The following CREB3L2 variants were observed in gnomAD, a reference collection of about 807,000 sequenced individuals.
CREB3L2 encodes cAMP responsive element binding protein 3 like 2, also known as cyclic AMP-responsive element-binding protein 3-like protein 2.
CREB3L2 carries 23 observed loss-of-function variants against 57.2 expected under a neutral mutation model. The observed-to-expected ratio is 0.40, with a 90% CI of 0.29 to 0.57. The LOEUF is 0.57. CREB3L2 is among the 20% of genes least tolerant of loss of function. CREB3L2 has a pLI of 0.42. For synonymous variants in CREB3L2, 268 were observed against 265.1 expected (o/e 1.01, Z -0.11); for missense variants, 628 against 634.7 (o/e 0.99, Z 0.11).
intron 1 of CREB3L2, chr7:137,953,647 C>A: frequency 1.6e-6 from 1 of 628,190 alleles, no homozygotes; most frequent in East Asian, 6.7e-5. Context: ...TGTTTTAAGG[C>A]TGGGAAGGGG....
intron 1 of CREB3L2, among the ~76,000 whole-genome samples, chr7:137,995,629 G>T (rs377122280): frequency 6.6e-6 from 1 of 152,046 alleles, no homozygotes; most frequent in African/African-American, 2.4e-5. Context: ...CACCGCGCCC[G>T]GCCAGGGGCT....
At chr7:137,972,546 T>G (rs1801524064) in intron 1 of CREB3L2, among the ~76,000 whole-genome samples, 1 of 149,672 alleles carries the variant, frequency 6.7e-6, no homozygotes, top group Admixed American at 6.7e-5. Flanking sequence ...CAGTATTTTT[T>G]TCTTGATAAA....
At chr7:137,958,747 G>A (rs896230707) in intron 1 of CREB3L2, among the ~76,000 whole-genome samples, 1 of 152,190 alleles carries the variant, frequency 6.6e-6, no homozygotes, top group Non-Finnish European at 1.5e-5. Context: ...TCTTGATCCA[G>A]GGCCACCTGA....
In CREB3L2 at chr7:137,877,298, T is replaced by C. The variant is rs766893364; in HGVS notation, c.*3178A>G. 2.2e-4 allele frequency: 50 copies of C among 226,330 alleles called. No individual in the cohort carries two copies. Among genetic ancestry groups the C allele is most frequent in the Admixed American group, 4.0e-4 (7 of 17,536 alleles). 14.0% of individuals were successfully genotyped at this position (226,330 alleles called of 1,614,324 possible). On this transcript the variant is annotated 3_prime_UTR_variant, in exon 12 of 12. Coordinates refer to ENST00000330387, the MANE Select transcript of CREB3L2 (RefSeq NM_194071.4). Reference sequence around the variant, plus strand: ...ATCATTTATATTAACCAAAAGGTTATCTAATTTTGCCCATATTGGTGTCAA... The same window carrying C: ...ATCATTTATATTAACCAAAAGGTTACCTAATTTTGCCCATATTGGTGTCAA...
intron 1 of CREB3L2, among the ~76,000 whole-genome samples, chr7:137,985,583 C>T (rs115075577): frequency 9.1e-4 from 138 of 152,262 alleles, no homozygotes; most frequent in African/African-American, 3.2e-3. Flanking sequence ...CAATCAGCCC[C>T]AGAAAGACTA....
chr7:137,916,035 A>G, intron 2 of CREB3L2, 23 bp from the exon 3 acceptor site: 1 of 1,601,280 alleles, frequency 6.2e-7, no homozygotes, highest in Non-Finnish European at 8.5e-7. Flanking sequence ...AGACAAGCAC[A>G]CATGTGAACT....
At position 137,885,033 on chromosome 7, in the gene CREB3L2, C is replaced by T; in HGVS notation, c.1232G>A (p.Ser411Asn). ...GTAGGGCTCCTGCAGGGAATGCTGG[C>T]TGGGCAGAGCCATCTTGGTGGCAGA... ...YPSATKMALP[S>N]QHSLQEPYTA... is the part of the protein sequence containing the mutation. Residue 411 changes from serine to asparagine, a missense_variant, in exon 10 of 12, where the codon AGC becomes AAC. Physicochemically the swap from Ser to Asn is conservative, Grantham distance 46. Around this residue, in one of 3 missense-constraint regions of CREB3L2, gnomAD observed 272 missense variants for 242.7 expected, o/e 1.12. Coordinates refer to ENST00000330387, the MANE Select transcript of CREB3L2 (RefSeq NM_194071.4). The T allele has an allele frequency of 1.9e-6, 3 of 1,614,178 alleles. No homozygotes were observed. Among genetic ancestry groups the T allele is most frequent in the Non-Finnish European group, 1.7e-6 (2 of 1,180,024 alleles).
In CREB3L2 at chr7:137,980,509, G is replaced by A. The variant is rs1285468362; in HGVS notation, c.102+21095C>T. On this transcript the variant is annotated intron_variant, in intron 1 of 11. Transcript: ENST00000330387. This position sits in a 1 kb window ranked among gnomAD's most constrained non-coding sequence, Gnocchi z 4.3. The stretch of plus-strand genomic sequence containing the variant: ...TAAAAAGGTTCCAAACTGGTGGGGG[G>A]CAACCCCAGGCCTAGACAAACACAA... 1.3e-5 allele frequency among the ~76,000 whole-genome samples: 2 copies of A among 152,208 alleles called. No individual in the cohort carries two copies. Among genetic ancestry groups the A allele is most frequent in the Admixed American group, 6.5e-5 (1 of 15,282 alleles).
intron 11 of CREB3L2, among the ~76,000 whole-genome samples, chr7:137,881,623 T>C (rs1799294204): frequency 6.6e-6 from 1 of 152,216 alleles, no homozygotes; most frequent in Non-Finnish European, 1.5e-5. Context: ...CTGAAGAATC[T>C]GAAACAAAAT....
intron 8 of CREB3L2, 80 bp from the exon 9 acceptor site, chr7:137,885,582 G>T: frequency 8.9e-7 from 1 of 1,117,322 alleles, no homozygotes; most frequent in South Asian, 1.3e-5. Flanking sequence ...ACCCAAGAAG[G>T]CCGCCGTGCC....
At chr7:137,959,025 T>C (rs1006018388) in intron 1 of CREB3L2, among the ~76,000 whole-genome samples, 1 of 152,258 alleles carries the variant, frequency 6.6e-6, no homozygotes, top group African/African-American at 2.4e-5. Flanking sequence ...TATGTGTGTA[T>C]GTCTGTCTCA....
chr7:137,986,545 A>G (rs1204611160), intron 1 of CREB3L2, among the ~76,000 whole-genome samples: 2 of 152,240 alleles, frequency 1.3e-5, no homozygotes, highest in African/African-American at 4.8e-5. Flanking sequence ...GGGATACTAA[A>G]GAAATCATTT....
At position 138,001,678 on chromosome 7, in the gene CREB3L2, C is replaced by T. The variant is rs1258826012; in HGVS notation, c.28G>A (p.Gly10Ser). 6.2e-7 allele frequency: 1 copy of T among 1,612,448 alleles called. No homozygotes were observed. Among genetic ancestry groups the T allele is most frequent in the East Asian group, 2.2e-5 (1 of 44,838 alleles). Residue 10 changes from glycine (G) to serine (S), a missense_variant, in exon 1 of 12, where the codon GGC (glycine) becomes AGC (serine). Around this residue, in one of 3 missense-constraint regions of CREB3L2, gnomAD observed 339 missense variants for 355.4 expected, o/e 0.95. Coordinates refer to ENST00000330387, the MANE Select transcript of CREB3L2 (RefSeq NM_194071.4). The surrounding 1 kb of genome is among the most constrained non-coding windows in gnomAD (Gnocchi z 4.2). Reference sequence around the variant, plus strand: ...AGCTTGCGGTCCCACTGCAGCACGCCCTGCTCCCCGCTCTCCAGCACCTCC... The same window carrying T: ...AGCTTGCGGTCCCACTGCAGCACGCTCTGCTCCCCGCTCTCCAGCACCTCC... MEVLESGEQ[G>S]VLQWDRKLSE...
At chr7:137,952,594 A>G (rs1221696817) in intron 1 of CREB3L2, among the ~76,000 whole-genome samples, 1 of 152,180 alleles carries the variant, frequency 6.6e-6, no homozygotes, top group Non-Finnish European at 1.5e-5. Flanking sequence ...GCACTAGAAT[A>G]TACAGGGACT....
intron 8 of CREB3L2, among the ~76,000 whole-genome samples, chr7:137,900,725 AC>A (rs374553016): frequency 2.2e-3 from 332 of 151,682 alleles, no homozygotes; most frequent in African/African-American, 7.8e-3. Flanking sequence ...AATCACTTGA[AC>A]CCGGGAGGCA....
chr7:137,910,580 C>A (rs984612016), intron 4 of CREB3L2, among the ~76,000 whole-genome samples: 1 of 151,878 alleles, frequency 6.6e-6, no homozygotes, highest in African/African-American at 2.4e-5. Context: ...AACAAACAAA[C>A]AAAAAAACGG....
intron 1 of CREB3L2, among the ~76,000 whole-genome samples, chr7:137,995,226 C>A (rs545126606): frequency 6.3e-4 from 96 of 152,060 alleles, no homozygotes; most frequent in African/African-American, 2.2e-3. Flanking sequence ...ATGTCCATCA[C>A]ACATCCAACC....
At chr7:137,979,584 G>A (rs1437826019) in intron 1 of CREB3L2, among the ~76,000 whole-genome samples, 1 of 152,144 alleles carries the variant, frequency 6.6e-6, no homozygotes, top group African/African-American at 2.4e-5. Context: ...AAATTAGCCG[G>A]GCGTGGTGGT....
At chr7:137,995,563 G>A (rs1031793047) in intron 1 of CREB3L2, among the ~76,000 whole-genome samples, 1 of 152,006 alleles carries the variant, frequency 6.6e-6, no homozygotes, top group African/African-American at 2.4e-5. Flanking sequence ...TTGAACTCCT[G>A]ACCTTGTGAT....
Sources: gnomAD v4.1 joint callset for allele counts (sites outside exome capture counted in the v4.1 genomes callset) on GRCh38, gnomAD v4.1.1 for gene constraint, gnomAD v4.1.1 regional missense constraint, Gnocchi (gnomAD v3.1) non-coding constraint, MANE v1.5 for transcripts, NCBI Gene and HGNC (gene_info 2026-07-23, HGNC 2026-07-21) for gene names.